Variants in TARM1 observed in about 807,000 individuals in gnomAD.
TARM1 encodes the protein T cell-interacting, activating receptor on myeloid cells 1.
TARM1 carries 24 observed loss-of-function variants against 30.4 expected under a neutral mutation model. The ratio of observed to expected loss-of-function variants is 0.79; its 90% CI spans 0.57 to 1.11. The LOEUF is 1.11. TARM1 is among the 50% of genes least tolerant of loss of function. The probability of loss-of-function intolerance (pLI) is 0.00; values close to 1 mark genes in which losing one functional copy is unlikely to be tolerated. For missense variants in TARM1, 323 were observed against 332.8 expected (o/e 0.97, Z 0.23); for synonymous variants, 129 against 138.9 (o/e 0.93, Z 0.50).
chr19:54,078,325 A>G (rs1213494070), intron 1 of TARM1, among the ~76,000 whole-genome samples: 1 of 151,284 alleles, frequency 6.6e-6, no homozygotes, highest in Non-Finnish European at 1.5e-5. Flanking sequence ...AGCTGGGACT[A>G]CAGCTGCACA....
intron 1 of TARM1, among the ~76,000 whole-genome samples, chr19:54,077,739 GTT>G (rs1185350896): frequency 7.7e-4 from 91 of 117,588 alleles, no homozygotes; most frequent in African/African-American, 2.6e-3. Flanking sequence ...CTTTTTCTTC[GTT>G]TTTTTTTTTT....
At chr19:54,072,641 A>T (rs1461955472) in intron 4 of TARM1, among the ~76,000 whole-genome samples, 1 of 151,962 alleles carries the variant, frequency 6.6e-6, no homozygotes, top group Non-Finnish European at 1.5e-5. Context: ...ACCACACATG[A>T]CTGAGAAAGA....
rs587659441 is a variant in TARM1 at position 54,078,618 on chromosome 19, A to G, written c.34+2689T>C. ...GTTCTCGAACTCCTTACGTCAGGTC[A>G]TTGCAAAAAAAGTGCTGGGATTACA... On this transcript the variant is annotated intron_variant, in intron 1 of 4. Coordinates refer to ENST00000432826, the MANE Select transcript of TARM1 (RefSeq NM_001135686.3). Among the ~76,000 whole-genome samples the G allele has an allele frequency of 8.3e-4, 125 of 151,152 alleles. 1 individual carries two copies. Among genetic ancestry groups the G allele is most frequent in the African/African-American group, 2.9e-3 (120 of 41,190 alleles).
chr19:54,077,284 G>A (rs2071979609), intron 1 of TARM1, among the ~76,000 whole-genome samples: 1 of 151,982 alleles, frequency 6.6e-6, no homozygotes, highest in African/African-American at 2.4e-5. Flanking sequence ...AGGAGGCTGA[G>A]GCAGAGAATC....
chr19:54,070,285 CGG>C (rs2071779618), intron 4 of TARM1, 125 bp from the exon 5 acceptor site: 5 of 1,375,410 alleles, frequency 3.6e-6, no homozygotes, highest in Non-Finnish European at 4.8e-6. Flanking sequence ...TTTTTTGAGA[CGG>C]AGTTTTACTC....
rs2071771422 is a variant in TARM1 at position 54,070,108 on chromosome 19, C to T, written c.711G>A (p.Leu237=). The T allele has an allele frequency of 6.4e-7, 1 of 1,551,548 alleles. No individual in the cohort carries two copies. The highest frequency in any genetic ancestry group is 2.0e-5 in the Admixed American group (1 of 50,960). ...TAACCACAATTACGGCAGCCAGACC[C>T]AGTCGTACGAAGTTACCCAGGGAGT... ...SNYSLGNFVR[L]GLAAVIVVIM... is the part of the protein sequence containing the mutation. Residue 237 remains leucine (L), a synonymous_variant, in exon 5 of 5, where the codon CTG becomes CTA. Coordinates refer to ENST00000432826, the MANE Select transcript of TARM1 (RefSeq NM_001135686.3).
intron 1 of TARM1, among the ~76,000 whole-genome samples, chr19:54,079,195 C>T (rs1418876361): frequency 2.9e-5 from 4 of 137,474 alleles, no homozygotes; most frequent in Admixed American, 7.9e-5. Context: ...ACCCAGGAGG[C>T]GGAGGTTGCA....
intron 4 of TARM1, among the ~76,000 whole-genome samples, 180 bp downstream of exon 4, chr19:54,073,740 A>G (rs372129884): frequency 2.0e-5 from 3 of 151,948 alleles, no homozygotes; most frequent in East Asian, 3.9e-4. Context: ...TGATCCATCC[A>G]CCTCGGCCTC....
At chr19:54,077,497 G>A (rs2071986098) in intron 1 of TARM1, among the ~76,000 whole-genome samples, 2 of 152,112 alleles carry the variant, frequency 1.3e-5, no homozygotes, top group Admixed American at 1.3e-4. Flanking sequence ...CTGTGTCTCT[G>A]AGAGATTTCC....
In TARM1 at chr19:54,069,915, A is replaced by G; in HGVS notation, c.*88T>C. On this transcript the variant is annotated 3_prime_UTR_variant, in exon 5 of 5. Transcript: ENST00000432826. ...TGACCTGTATGTTGTGACCTGTCTC[A>G]TCCTGTGACTTAGAAAGCCTCAACC... The G allele has an allele frequency of 9.6e-7, 1 of 1,040,242 alleles. No individual in the cohort carries two copies. The highest frequency in any genetic ancestry group is 1.4e-6 in the Non-Finnish European group (1 of 713,344). 64.4% of individuals were successfully genotyped at this position (1,040,242 alleles called of 1,614,324 possible).
chr19:54,073,242 G>A (rs773610462), intron 4 of TARM1, among the ~76,000 whole-genome samples: 6 of 151,414 alleles, frequency 4.0e-5, no homozygotes, highest in Admixed American at 6.6e-5. Flanking sequence ...AACCTTCATC[G>A]CTACTAAAAA....
chr19:54,079,310 C>A (rs140228512), intron 1 of TARM1, among the ~76,000 whole-genome samples: 2,326 of 149,014 alleles, frequency 0.016, 68 homozygotes, highest in African/African-American at 0.055. Flanking sequence ...TTACCAGGGG[C>A]TGGGAGGACC....
At chr19:54,072,876 G>T (rs2071846099) in intron 4 of TARM1, among the ~76,000 whole-genome samples, 3 of 151,992 alleles carry the variant, frequency 2.0e-5, no homozygotes, top group Non-Finnish European at 2.9e-5. Flanking sequence ...TACTCAAGTG[G>T]CTGAGGCAGG....
intron 4 of TARM1, among the ~76,000 whole-genome samples, chr19:54,072,138 G>A (rs1455907138): frequency 2.0e-5 from 3 of 150,780 alleles, no homozygotes; most frequent in Middle Eastern, 3.6e-3. Flanking sequence ...TCATTGAGCC[G>A]AGATCGCGCC....
At chr19:54,077,695 C>T (rs1156745940) in intron 1 of TARM1, among the ~76,000 whole-genome samples, 5 of 150,454 alleles carry the variant, frequency 3.3e-5, no homozygotes, top group African/African-American at 1.2e-4. Context: ...TGGATAAACA[C>T]AGTGTGCTCT....
chr19:54,077,591 G>A (rs1213695618), intron 1 of TARM1, among the ~76,000 whole-genome samples: 1 of 151,986 alleles, frequency 6.6e-6, no homozygotes, highest in African/African-American at 2.4e-5. Flanking sequence ...TTACATCCAT[G>A]AGCCAATCCA....
In TARM1 at chr19:54,069,987, C is replaced by G. The variant is rs1361318315; in HGVS notation, c.*16G>C. 6.5e-7 allele frequency: 1 copy of G among 1,546,258 alleles called. No individual in the cohort carries two copies. Among genetic ancestry groups the G allele is most frequent in the Non-Finnish European group, 8.7e-7 (1 of 1,142,914 alleles). On this transcript the variant is annotated 3_prime_UTR_variant, in exon 5 of 5. Coordinates refer to ENST00000432826, the MANE Select transcript of TARM1 (RefSeq NM_001135686.3). ...GGTTGCAGCCTCAGTTTACCCAGCC[C>G]CGGTTCAAGATGGAGTCACTCTGGT...
rs1437604428 is a variant in TARM1, at chr19:54,070,309, G to A, written c.659-149C>T. 44 of 1,262,758 alleles carry A rather than the reference G, an allele frequency of 3.5e-5. No homozygotes were observed. In the South Asian group the frequency reaches 6.6e-4, roughly 19 times the overall value. 78.2% of individuals were successfully genotyped at this position (1,262,758 alleles called of 1,614,324 possible). On this transcript the variant is annotated intron_variant, in intron 4 of 4. Transcript: ENST00000432826. ...ACGGAGTTTTACTCTTGTTGACCAG[G>A]CTGGAGTGCAGTGGTGTAATCTCAG... is the stretch of plus-strand genomic sequence containing the variant.
At chr19:54,080,800 C>T (rs2072111431) in intron 1 of TARM1, among the ~76,000 whole-genome samples, 2 of 151,776 alleles carry the variant, frequency 1.3e-5, no homozygotes, top group Admixed American at 1.3e-4. Context: ...TGGTGAAACA[C>T]CGTCTCTACT....
Sources: gnomAD v4.1 joint callset for allele counts (sites outside exome capture counted in the v4.1 genomes callset) on GRCh38, gnomAD v4.1.1 for gene constraint, MANE v1.5 for transcripts, NCBI Gene and HGNC (gene_info 2026-07-23, HGNC 2026-07-21) for gene names.